The following GSG1L2 variants were observed in gnomAD, a reference collection of about 807,000 sequenced individuals.
The protein encoded by GSG1L2 is GSG1 like 2.
Under a neutral mutation model 9.0 loss-of-function variants are expected in GSG1L2, and 15 were observed. The observed-to-expected ratio is 1.67, with a 90% confidence interval of 1.12 to 2.57. GSG1L2 has a LOEUF of 2.57. GSG1L2 is among the 30% of genes most tolerant of loss of function. The pLI, the probability that GSG1L2 is intolerant of heterozygous loss-of-function variation, is 0.00. For synonymous variants in GSG1L2, 127 were observed against 57.9 expected (o/e 2.19, Z -5.41); for missense variants, 286 against 150.3 (o/e 1.90, Z -4.72).
chr17:9,820,951 C>T lies in GSG1L2; in HGVS notation c.310+811G>A, dbSNP rs1217413936. Among the ~76,000 whole-genome samples the T allele has an allele frequency of 6.6e-6, 1 of 152,180 alleles. No individual in the cohort carries two copies. Among genetic ancestry groups the T allele is most frequent in the Admixed American group, 6.5e-5 (1 of 15,276 alleles). ...GTGCTAGGATTATAGGAATGAGCCA[C>T]CAGGCTGGGCCTCAGGGGCTTCATT... On this transcript the variant is annotated intron_variant, in intron 1 of 4. Transcript: ENST00000399363. The surrounding 1 kb of genome is among the most constrained non-coding windows in gnomAD (Gnocchi z 4.9).
At chr17:9,802,720 G>A (rs1445961720) in intron 4 of GSG1L2, 76 bp from the exon 5 acceptor site, 2 of 660,810 alleles carry the variant, frequency 3.0e-6, no homozygotes, top group South Asian at 3.2e-5. Context: ...CAGACTGGGG[G>A]TCAATCTGGA....
chr17:9,816,141 C>T (rs953225465), intron 1 of GSG1L2, among the ~76,000 whole-genome samples: 3 of 152,188 alleles, frequency 2.0e-5, no homozygotes, highest in Middle Eastern at 3.2e-3. Flanking sequence ...GTAAGTAATA[C>T]GGTTCTTTTC....
intron 1 of GSG1L2, among the ~76,000 whole-genome samples, chr17:9,819,596 GTC>G (rs1288503938): frequency 6.6e-6 from 1 of 152,142 alleles, no homozygotes; most frequent in Non-Finnish European, 1.5e-5. Context: ...TTCATCTCTT[GTC>G]TATGAGTAAA....
chr17:9,811,817 G>A (rs1322738217), intron 1 of GSG1L2, among the ~76,000 whole-genome samples: 2 of 152,174 alleles, frequency 1.3e-5, no homozygotes, highest in Non-Finnish European at 2.9e-5. Flanking sequence ...GCGCTGTCCC[G>A]CTACATCACT....
At position 9,816,568 on chromosome 17, in the gene GSG1L2, C is replaced by CTGTG. The variant is rs556061340; in HGVS notation, c.310+5190_310+5193dup. On this transcript the variant is annotated intron_variant, in intron 1 of 4. Transcript: ENST00000399363. ...CGTGTGTCTGTGTGTGCATGCATAT[C>CTGTG]TGTGTCTGTGTGTGCACGTGCGTGT... Among the ~76,000 whole-genome samples the CTGTG allele has an allele frequency of 3.4e-5, 3 of 89,474 alleles. No individual in the cohort carries two copies. The Admixed American group carries it at 3.7e-4, about 11-fold the overall frequency. The allele number at this position is 89,474 out of a possible 152,430, so 58.7% of individuals were successfully genotyped here. A position where few individuals can be genotyped will look rare whatever the true frequency, so the allele number is the denominator to read the frequency against.
At chr17:9,816,622 GT>G (rs2066564318) in intron 1 of GSG1L2, among the ~76,000 whole-genome samples, 1 of 115,348 alleles carries the variant, frequency 8.7e-6, no homozygotes, top group Non-Finnish European at 1.7e-5. Context: ...CTGTGTGTCT[GT>G]TTTGCATGTC....
intron 1 of GSG1L2, among the ~76,000 whole-genome samples, chr17:9,818,688 A>G (rs2066577546): frequency 6.6e-6 from 1 of 151,798 alleles, no homozygotes; most frequent in Non-Finnish European, 1.5e-5. Flanking sequence ...ATCATTCACT[A>G]TTGCAAGGAC....
intron 1 of GSG1L2, among the ~76,000 whole-genome samples, chr17:9,812,769 C>T (rs574709564): frequency 6.6e-6 from 1 of 152,154 alleles, no homozygotes; most frequent in East Asian, 1.9e-4. Context: ...TAGAGGCGCA[C>T]GCCACCACAC....
chr17:9,808,901 A>G lies in GSG1L2; in HGVS notation c.440T>C (p.Val147Ala). Reference sequence around the variant, plus strand: ...GTGGAACCCAGGGCTGCGACAACTCACTCTGGAGCCCAGGAGGATGGCGCT... The same window carrying G: ...GTGGAACCCAGGGCTGCGACAACTCGCTCTGGAGCCCAGGAGGATGGCGCT... Reference protein sequence around the residue: ...LTSAILLGSRVSCRSPGFHWL... With the variant: ...LTSAILLGSRASCRSPGFHWL... Residue 147 changes from valine (V) to alanine (A), a missense_variant, in exon 3 of 5, where the codon GTG becomes GCG. Physicochemically the swap from Val to Ala is moderately conservative, Grantham distance 64 (BLOSUM62 0). Coordinates refer to ENST00000399363, the MANE Select transcript of GSG1L2 (RefSeq NM_001310219.2). 2.8e-6 allele frequency: 2 copies of G among 702,708 alleles called. No individual in the cohort carries two copies. Among genetic ancestry groups the G allele is most frequent in the Non-Finnish European group, 5.2e-6 (2 of 384,972 alleles). 43.5% of individuals were successfully genotyped at this position (702,708 alleles called of 1,614,324 possible). A position where few individuals can be genotyped will look rare whatever the true frequency, so the allele number is the denominator to read the frequency against.
chr17:9,802,902 G>T (rs2066502643), intron 4 of GSG1L2, among the ~76,000 whole-genome samples: 1 of 152,118 alleles, frequency 6.6e-6, no homozygotes, highest in Admixed American at 6.5e-5. Context: ...CCTTGAGCTG[G>T]TTGCTTTACC....
In GSG1L2 at chr17:9,808,922, G is replaced by A. The variant is rs16958805; in HGVS notation, c.419C>T (p.Ala140Val). The change falls in exon 3 of 5, where the codon GCC becomes GTC. Residue 140 changes from alanine (A) to valine (V), a missense_variant. Physicochemically the swap from Ala to Val is moderately conservative, Grantham distance 64 (BLOSUM62 0). Coordinates refer to ENST00000399363, the MANE Select transcript of GSG1L2 (RefSeq NM_001310219.2). Reference protein sequence around the residue: ...VLDIVLILTSAILLGSRVSCR... With the variant: ...VLDIVLILTSVILLGSRVSCR... ...ACTCACTCTGGAGCCCAGGAGGATG[G>A]CGCTTGTCAGTATCAGAACGATATC... The A allele has an allele frequency of 1.4e-6, 1 of 702,892 alleles. No homozygotes were observed. Among genetic ancestry groups the A allele is most frequent in the African/African-American group, 1.7e-5 (1 of 57,212 alleles). 43.5% of individuals were successfully genotyped at this position (702,892 alleles called of 1,614,324 possible). A position where few individuals can be genotyped will look rare whatever the true frequency, so the allele number is the denominator to read the frequency against.
intron 1 of GSG1L2, among the ~76,000 whole-genome samples, chr17:9,813,928 C>T (rs1482839184): frequency 1.4e-5 from 2 of 146,876 alleles, no homozygotes; most frequent in Non-Finnish European, 3.0e-5. Flanking sequence ...TTGTGAACTG[C>T]ATTCCACAGT....
intron 1 of GSG1L2, among the ~76,000 whole-genome samples, chr17:9,815,773 C>T (rs572053332): frequency 7.2e-5 from 11 of 152,310 alleles, no homozygotes; most frequent in African/African-American, 2.6e-4. Flanking sequence ...AATATAGTTG[C>T]ATAGAAGTCA....
rs1465741433 is a variant in GSG1L2 at position 9,820,270 on chromosome 17, T to G, written c.310+1492A>C. ...TATAGAGCTGTGGAAACAGAAGTAC[T>G]ATAGGCAGTCCTCATATGAGAACTT... On this transcript the variant is annotated intron_variant, in intron 1 of 4. Transcript: ENST00000399363. This position sits in a 1 kb window ranked among gnomAD's most constrained non-coding sequence, Gnocchi z 4.9. Among the ~76,000 whole-genome samples, 2 of 152,308 alleles carry G rather than the reference T, an allele frequency of 1.3e-5. No individual in the cohort carries two copies. Among genetic ancestry groups the G allele is most frequent in the African/African-American group, 4.8e-5 (2 of 41,570 alleles).
intron 1 of GSG1L2, among the ~76,000 whole-genome samples, chr17:9,814,381 T>C (rs1001546765): frequency 2.0e-5 from 3 of 152,208 alleles, no homozygotes; most frequent in Non-Finnish European, 4.4e-5. Flanking sequence ...AGGCCTTTTC[T>C]GAATCGCTTC....
At chr17:9,816,602 C>CTG (rs1169732930) in intron 1 of GSG1L2, among the ~76,000 whole-genome samples, 3 of 88,338 alleles carry the variant, frequency 3.4e-5, no homozygotes, top group Non-Finnish European at 6.1e-5. Flanking sequence ...GTCTGTGTGT[C>CTG]TGTGTGTGTC....
intron 1 of GSG1L2, 103 bp downstream of exon 1, chr17:9,821,659 T>C (rs897410001): frequency 2.4e-4 from 155 of 653,802 alleles, no homozygotes; most frequent in African/African-American, 2.2e-3. Flanking sequence ...ATCCCGCACC[T>C]GTTACCCCCA....
At chr17:9,821,682 T>C in intron 1 of GSG1L2, 80 bp downstream of exon 1, 1 of 667,406 alleles carries the variant, frequency 1.5e-6, no homozygotes, top group South Asian at 1.7e-5. Context: ...ATCTGCAGGA[T>C]TCAAACCCAG....
intron 1 of GSG1L2, among the ~76,000 whole-genome samples, chr17:9,816,940 G>GTGTA (rs2066570057): frequency 1.6e-5 from 1 of 62,696 alleles, no homozygotes; most frequent in South Asian, 9.2e-4. Context: ...GTGTGTGTGT[G>GTGTA]TAGTAAACAC....
Sources: allele counts gnomAD v4.1 joint callset (sites outside exome capture counted in the v4.1 genomes callset), GRCh38; gene constraint gnomAD v4.1.1; non-coding constraint Gnocchi (gnomAD v3.1); transcripts MANE v1.5; gene names NCBI Gene and HGNC (gene_info 2026-07-23, HGNC 2026-07-21).